LRRC4C: variants seen among roughly 807,000 people sequenced by gnomAD.
The protein encoded by LRRC4C is leucine rich repeat containing 4C, also known as leucine-rich repeat-containing protein 4C.
In LRRC4C, 5 loss-of-function variants were observed where a neutral mutation model predicts 33.6. The observed-to-expected ratio is 0.15, with a 90% CI of 0.08 to 0.31. The LOEUF is 0.31. Among genes scored for constraint, LRRC4C ranks in the 10% least tolerant of loss-of-function variants. LRRC4C has a pLI of 1.00. For synonymous variants in LRRC4C, 329 were observed against 302.0 expected (o/e 1.09, Z -0.93); for missense variants, 560 against 796.7 (o/e 0.70, Z 3.58).
At chr11:40,654,237 C>T (rs569918305) in intron 2 of LRRC4C, among the ~76,000 whole-genome samples, 20 of 152,288 alleles carry the variant, frequency 1.3e-4, no homozygotes, top group Admixed American at 1.3e-4. Context: ...GGGCCACCAT[C>T]CTCCAGACCC....
At chr11:40,315,135 A>G (rs1945511958) in intron 4 of LRRC4C, among the ~76,000 whole-genome samples, 1 of 152,010 alleles carries the variant, frequency 6.6e-6, no homozygotes, top group African/African-American at 2.4e-5. Context: ...TTGCAGTATC[A>G]CTGTATACTC....
intron 3 of LRRC4C, among the ~76,000 whole-genome samples, chr11:40,336,408 A>G (rs1028327313): frequency 6.6e-6 from 1 of 152,096 alleles, no homozygotes; most frequent in African/African-American, 2.4e-5. Flanking sequence ...TGCTTGCTAT[A>G]TGAAGACGCC....
At chr11:41,257,156 C>T (rs754100499) in intron 1 of LRRC4C, among the ~76,000 whole-genome samples, 1 of 151,840 alleles carries the variant, frequency 6.6e-6, no homozygotes, top group African/African-American at 2.4e-5. Context: ...ACTGAGTATC[C>T]CACTAAGTTC....
intron 1 of LRRC4C, among the ~76,000 whole-genome samples, chr11:41,132,142 T>G (rs527741688): frequency 1.4e-4 from 22 of 152,274 alleles, no homozygotes; most frequent in Middle Eastern, 3.4e-3. Flanking sequence ...TCTTGGAGTC[T>G]GGATCAGACC....
intron 1 of LRRC4C, among the ~76,000 whole-genome samples, chr11:41,451,508 A>G (rs140671495): frequency 6.6e-6 from 1 of 152,234 alleles, no homozygotes; most frequent in East Asian, 1.9e-4. Flanking sequence ...CAGTGCTTAT[A>G]GTGATGGAAG....
At chr11:41,139,285 A>T (rs1165320803) in intron 1 of LRRC4C, among the ~76,000 whole-genome samples, 1 of 152,206 alleles carries the variant, frequency 6.6e-6, no homozygotes, top group Non-Finnish European at 1.5e-5. Context: ...ACTTATATAC[A>T]ATGTCTATTT....
intron 1 of LRRC4C, among the ~76,000 whole-genome samples, chr11:41,385,660 A>C (rs1186500407): frequency 1.3e-5 from 2 of 151,656 alleles, no homozygotes; most frequent in Non-Finnish European, 3.0e-5. Flanking sequence ...TGAGCAGAAA[A>C]TTTTAAAAAC....
chr11:41,044,481 A>G (rs762167851), intron 1 of LRRC4C, among the ~76,000 whole-genome samples: 6 of 152,140 alleles, frequency 3.9e-5, no homozygotes, highest in Non-Finnish European at 7.4e-5. Flanking sequence ...TTTTGGATCA[A>G]TATTTCCTTG....
intron 1 of LRRC4C, among the ~76,000 whole-genome samples, chr11:41,448,698 T>C (rs1176850652): frequency 1.3e-5 from 2 of 152,190 alleles, no homozygotes; most frequent in African/African-American, 4.8e-5. Context: ...ATACATATTT[T>C]TAAATGACTT....
chr11:40,990,992 G>T (rs1853507433), intron 1 of LRRC4C, among the ~76,000 whole-genome samples: 1 of 149,556 alleles, frequency 6.7e-6, no homozygotes, highest in Admixed American at 6.7e-5. Context: ...TTTTTACTTT[G>T]ATGAAATCAT....
intron 1 of LRRC4C, among the ~76,000 whole-genome samples, chr11:41,360,940 C>T (rs544538198): frequency 3.3e-5 from 5 of 152,206 alleles, no homozygotes; most frequent in South Asian, 2.1e-4. Flanking sequence ...TGGAGATCAC[C>T]GTAATGCTAG....
Position 41,146,382 on chromosome 11 carries a change from C to G in LRRC4C, c.-495-212659G>C, listed in dbSNP as rs1450910856. 2.0e-5 allele frequency among the ~76,000 whole-genome samples: 3 copies of G among 152,190 alleles called. No individual in the cohort carries two copies. In the South Asian group the frequency reaches 6.2e-4, roughly 32 times the overall value. ...GACACAGGTTCATTCCCTCTCATTGCAGGCAACATATTGCTCTAAACACTA... is the reference window on the plus strand; with the variant it reads ...GACACAGGTTCATTCCCTCTCATTGGAGGCAACATATTGCTCTAAACACTA... On this transcript the variant is annotated intron_variant, in intron 1 of 6. Coordinates refer to ENST00000528697, the MANE Select transcript of LRRC4C (RefSeq NM_001258419.2).
intron 2 of LRRC4C, among the ~76,000 whole-genome samples, chr11:40,818,332 C>T (rs1450229256): frequency 6.6e-6 from 1 of 152,056 alleles, no homozygotes; most frequent in East Asian, 1.9e-4. Context: ...CTAAGACTTT[C>T]CCTTCCATCT....
chr11:40,114,339 A>C lies in LRRC4C; in HGVS notation c.*31T>G. The stretch of plus-strand genomic sequence containing the variant: ...TTTTAATAAACTGTCTTTTTTTTTG[A>C]TTGTTTGTTTTTTGTAACTCTGTAA... On this transcript the variant is annotated 3_prime_UTR_variant, in exon 7 of 7. Coordinates refer to ENST00000528697, the MANE Select transcript of LRRC4C (RefSeq NM_001258419.2). 6.7e-7 allele frequency: 1 copy of C among 1,492,756 alleles called. No homozygotes were observed. Among genetic ancestry groups the C allele is most frequent in the Non-Finnish European group, 8.9e-7 (1 of 1,122,540 alleles). The allele number at this position is 1,492,756 out of a possible 1,614,324, so 92.5% of individuals were successfully genotyped here.
chr11:40,610,852 T>A (rs1430659018), intron 3 of LRRC4C, among the ~76,000 whole-genome samples: 1 of 151,724 alleles, frequency 6.6e-6, no homozygotes, highest in Non-Finnish European at 1.5e-5. Flanking sequence ...ATATATAAAA[T>A]ATTACTGAAA....
chr11:40,859,347 G>T (rs1450289335), intron 2 of LRRC4C, among the ~76,000 whole-genome samples: 1 of 152,042 alleles, frequency 6.6e-6, no homozygotes, highest in African/African-American at 2.4e-5. Context: ...CCGTAGTAAT[G>T]AAATGAGATT....
chr11:41,402,175 A>G (rs1280321748), intron 1 of LRRC4C, among the ~76,000 whole-genome samples: 2 of 152,072 alleles, frequency 1.3e-5, no homozygotes, highest in African/African-American at 4.8e-5. Flanking sequence ...CAAACACTCA[A>G]AGAAGAGAGT....
At chr11:41,356,226 G>C (rs927766886) in intron 1 of LRRC4C, among the ~76,000 whole-genome samples, 3 of 152,058 alleles carry the variant, frequency 2.0e-5, no homozygotes, top group Non-Finnish European at 2.9e-5. Flanking sequence ...AATGCATACA[G>C]CAAGTTAAAC....
intron 5 of LRRC4C, among the ~76,000 whole-genome samples, chr11:40,203,264 A>G (rs1862901764): frequency 1.3e-5 from 2 of 152,206 alleles, no homozygotes; most frequent in Non-Finnish European, 1.5e-5. Context: ...CAACTCCATT[A>G]ATATTAATAT....
Sources: gnomAD v4.1 joint callset for allele counts (sites outside exome capture counted in the v4.1 genomes callset) on GRCh38, gnomAD v4.1.1 for gene constraint, MANE v1.5 for transcripts, NCBI Gene and HGNC (gene_info 2026-07-23, HGNC 2026-07-21) for gene names.